DNAH11: variants seen among roughly 807,000 people sequenced by gnomAD.
The protein encoded by DNAH11 is dynein axonemal heavy chain 11.
DNAH11 carries 442 observed loss-of-function variants against 526.0 expected under a neutral mutation model. That is an observed-to-expected ratio of 0.84 (90% CI 0.78 to 0.91). The LOEUF (loss-of-function observed/expected upper bound fraction) is 0.91, where lower values mean the gene tolerates loss of function less well. Among genes scored for constraint, DNAH11 ranks in the 40% least tolerant of loss-of-function variants. The pLI is 0.00. For missense variants in DNAH11, 6,989 were observed against 5,448.7 expected (o/e 1.28, Z -8.90); for synonymous variants, 2,461 against 1,935.9 (o/e 1.27, Z -7.12).
Position 21,689,676 on chromosome 7 carries a change from A to T in DNAH11, c.5925-1089A>T, listed in dbSNP as rs140809803. On this transcript the variant is annotated intron_variant, in intron 34 of 81. Coordinates refer to ENST00000409508, the MANE Select transcript of DNAH11 (RefSeq NM_001277115.2). ...CATTCTGGGAAATGAAGTTTTCTCC[A>T]TTTTTATCTTGACTATACAAAATCC... is the stretch of plus-strand genomic sequence containing the variant. Among the ~76,000 whole-genome samples the T allele has an allele frequency of 4.6e-4, 70 of 152,294 alleles. 1 individual carries two copies. The highest frequency in any genetic ancestry group is 1.7e-3 in the African/African-American group (69 of 41,564).
intron 9 of DNAH11, among the ~76,000 whole-genome samples, chr7:21,582,466 T>C (rs1419099021): frequency 6.6e-6 from 1 of 152,232 alleles, no homozygotes; most frequent in Non-Finnish European, 1.5e-5. Context: ...TAAGACATCA[T>C]TGATTATCAG....
intron 30 of DNAH11, among the ~76,000 whole-genome samples, chr7:21,661,663 T>C (rs1352368368): frequency 6.6e-6 from 1 of 152,074 alleles, no homozygotes; most frequent in Non-Finnish European, 1.5e-5. Context: ...CCAGATTAAG[T>C]AGACTCAAAT....
intron 14 of DNAH11, among the ~76,000 whole-genome samples, chr7:21,597,600 C>G (rs891677431): frequency 2.0e-5 from 3 of 152,118 alleles, no homozygotes; most frequent in Admixed American, 2.0e-4. Flanking sequence ...GGAAGAAACA[C>G]ACACTTATCA....
intron 54 of DNAH11, among the ~76,000 whole-genome samples, chr7:21,756,549 CTT>C (rs142207944): frequency 0.044 from 6,681 of 152,002 alleles, 194 homozygotes; most frequent in African/African-American, 0.073. Flanking sequence ...AGTTTGATGA[CTT>C]TTTAAAAAAT....
At chr7:21,854,038 A>C (rs1782737221) in intron 67 of DNAH11, among the ~76,000 whole-genome samples, 2 of 152,300 alleles carry the variant, frequency 1.3e-5, no homozygotes, top group East Asian at 3.9e-4. Flanking sequence ...GACATTACTC[A>C]AATTCTGTAG....
At chr7:21,681,488 G>A (rs1783133565) in intron 30 of DNAH11, 58 bp from the exon 31 acceptor site, 2 of 1,529,332 alleles carry the variant, frequency 1.3e-6, no homozygotes, top group South Asian at 1.2e-5. Flanking sequence ...AGAATTTGGG[G>A]CTCTTAAATT....
intron 66 of DNAH11, chr7:21,851,291 G>A (rs1782623663): frequency 4.0e-6 from 1 of 250,924 alleles, no homozygotes; most frequent in African/African-American, 2.2e-5. Context: ...AAGGAAAGAA[G>A]GACATGTTTG....
chr7:21,598,218 C>A, intron 14 of DNAH11, among the ~76,000 whole-genome samples: 1 of 152,170 alleles, frequency 6.6e-6, no homozygotes, highest in South Asian at 2.1e-4. Context: ...AGCTCTTATT[C>A]CAATGTCTCT....
At chr7:21,619,045 A>G in intron 23 of DNAH11, 55 bp from the exon 24 acceptor site, 1 of 1,607,944 alleles carries the variant, frequency 6.2e-7, no homozygotes, top group Non-Finnish European at 8.5e-7. Context: ...CTTTAGGCAA[A>G]AGGAACCGTT....
chr7:21,872,123 C>CGAAAAAAAAAAAAAAA (rs1783519056), intron 73 of DNAH11, among the ~76,000 whole-genome samples: 1 of 30,822 alleles, frequency 3.2e-5, no homozygotes, highest in Non-Finnish European at 5.6e-5. Context: ...GACTCTGTCT[C>CGAAAAAAAAAAAAAAA]AAAAAAAAAA....
intron 30 of DNAH11, among the ~76,000 whole-genome samples, chr7:21,668,975 G>A (rs745999452): frequency 3.3e-5 from 5 of 151,948 alleles, no homozygotes; most frequent in East Asian, 1.9e-4. Flanking sequence ...TTATATACTC[G>A]CTCATATTTG....
intron 6 of DNAH11, 143 bp downstream of exon 6, chr7:21,564,540 G>A: frequency 1.7e-6 from 1 of 590,526 alleles, no homozygotes; most frequent in South Asian, 3.1e-5. Flanking sequence ...GGTAACAAAG[G>A]CCAGGTAACC....
Position 21,702,847 on chromosome 7 carries a change from G to C in DNAH11, c.6273+45G>C, listed in dbSNP as rs1344864330. On this transcript the variant is annotated intron_variant, in intron 37 of 81. Transcript: ENST00000409508. The stretch of plus-strand genomic sequence containing the variant: ...ATTTTGTTGAGTGAGTAGCTGGCCT[G>C]CTTCACAGACATGAAAGTATATGCC... The C allele has an allele frequency of 1.2e-5, 19 of 1,524,498 alleles. No homozygotes were observed. In the Admixed American group the frequency reaches 1.6e-4, roughly 13 times the overall value. The allele number at this position is 1,524,498 out of a possible 1,614,324, so 94.4% of individuals were successfully genotyped here.
chr7:21,717,192 G>A (rs1463056862), intron 42 of DNAH11, among the ~76,000 whole-genome samples: 4 of 115,974 alleles, frequency 3.4e-5, no homozygotes, highest in Non-Finnish European at 5.1e-5. Flanking sequence ...AACATTTTAT[G>A]TTTCAGATTA....
intron 18 of DNAH11, among the ~76,000 whole-genome samples, chr7:21,604,226 T>C (rs114060658): frequency 6.6e-6 from 1 of 152,182 alleles, no homozygotes; most frequent in Admixed American, 6.5e-5. Flanking sequence ...TCATGAGGAC[T>C]CACCACCAGC....
rs1227418580 is a variant in DNAH11 at position 21,698,095 on chromosome 7, C to G, written c.6062C>G (p.Pro2021Arg). The G allele has an allele frequency of 1.2e-6, 2 of 1,612,842 alleles. No homozygotes were observed. The change falls in exon 36 of 82, where the codon CCT (proline) becomes CGT (arginine). Residue 2021 changes from proline (P) to arginine (R), a missense_variant. Pro to Arg is a moderately radical substitution (Grantham distance 103). Coordinates refer to ENST00000409508, the MANE Select transcript of DNAH11 (RefSeq NM_001277115.2). ...TTTAGACCCTGTGCCATGGTGGCCC[C>G]TGACATTGAGCTAATCTGTGAAATC... The part of the protein sequence containing the change: ...ALFRPCAMVA[P>R]DIELICEILL...
At chr7:21,796,274 C>T (rs541436225) in intron 61 of DNAH11, among the ~76,000 whole-genome samples, 1 of 152,258 alleles carries the variant, frequency 6.6e-6, no homozygotes, top group African/African-American at 2.4e-5. Flanking sequence ...AAACTAGCCC[C>T]AGTAGGGATC....
rs6461586 is a variant in DNAH11 at position 21,600,200 on chromosome 7, T to C, written c.3000+81T>C. 0.82 allele frequency: 1,025,152 copies of C among 1,245,926 alleles called. 423,716 individuals are homozygous for C. Among genetic ancestry groups the C allele is most frequent in the Non-Finnish European group, 0.84 (786,561 of 932,608 alleles). The allele number at this position is 1,245,926 out of a possible 1,614,324, so 77.2% of individuals were successfully genotyped here. A position where few individuals can be genotyped will look rare whatever the true frequency, so the allele number is the denominator to read the frequency against. The stretch of plus-strand genomic sequence containing the variant: ...TGTGGCTGAGTATGGTAGCTCATGC[T>C]GGGAATCCCAGAACTTTGGGAGGCT... On this transcript the variant is annotated intron_variant, in intron 15 of 81. Coordinates refer to ENST00000409508, the MANE Select transcript of DNAH11 (RefSeq NM_001277115.2).
At chr7:21,725,701 T>C (rs965669359) in intron 44 of DNAH11, 110 bp from the exon 45 acceptor site, 23 of 1,103,596 alleles carry the variant, frequency 2.1e-5, no homozygotes, top group Admixed American at 2.7e-5. Flanking sequence ...GATGGGTATA[T>C]GGCAATTTTA....
Sources: gnomAD v4.1 joint callset for allele counts (sites outside exome capture counted in the v4.1 genomes callset) on GRCh38, gnomAD v4.1.1 for gene constraint, MANE v1.5 for transcripts, NCBI Gene and HGNC (gene_info 2026-07-23, HGNC 2026-07-21) for gene names.